DEPDC4: variants seen among roughly 807,000 people sequenced by gnomAD.
DEPDC4 encodes DEP domain containing 4.
Under a neutral mutation model 52.0 loss-of-function variants are expected in DEPDC4, and 52 were observed. That is an observed-to-expected ratio of 1.00 (90% confidence interval 0.80 to 1.26). The LOEUF (loss-of-function observed/expected upper bound fraction) is 1.26. Among genes scored for constraint, DEPDC4 ranks in the 50% most tolerant of loss-of-function variants. DEPDC4 has a pLI of 0.00. For synonymous variants in DEPDC4, 201 were observed against 196.8 expected, an observed-to-expected ratio of 1.02 and a Z score of -0.18; for missense variants, 530 against 546.9, an observed-to-expected ratio of 0.97 and a Z score of 0.31.
chr12:100,258,330 A>G (rs2096242075), intron 3 of DEPDC4, among the ~76,000 whole-genome samples: 1 of 152,176 alleles, frequency 6.6e-6, no homozygotes, highest in Admixed American at 6.5e-5. Context: ...AGAGAGAAAA[A>G]TATATACAAA....
At chr12:100,267,082 C>T (rs751980803), upstream of DEPDC4, 9 of 1,611,896 alleles carry the variant, frequency 5.6e-6, no homozygotes, top group Non-Finnish European at 8.5e-7. Context: ...ACCATAGCCC[C>T]GCCCCACCTG....
At chr12:100,278,430 G>T in the DEPDC4 span, among the ~76,000 whole-genome samples, 2 of 151,982 alleles carry the variant, frequency 1.3e-5, no homozygotes, top group Admixed American at 1.3e-4. Context: ...GAACTGCTGG[G>T]CTCAAGTGAT....
chr12:100,279,574 G>A, the DEPDC4 span, among the ~76,000 whole-genome samples: 1 of 152,072 alleles, frequency 6.6e-6, no homozygotes, highest in Non-Finnish European at 1.5e-5. Flanking sequence ...ATGACTATTG[G>A]GTTTTGTTCT....
rs1005994137 is a variant in DEPDC4 at position 100,247,325 on chromosome 12, C to T, written c.1453+1575G>A. 2.7e-5 allele frequency among the ~76,000 whole-genome samples: 4 copies of T among 150,400 alleles called. No homozygotes were observed. The East Asian group carries it at 7.9e-4, about 30-fold the overall frequency. On this transcript the variant is annotated intron_variant, in intron 8 of 9. Transcript: ENST00000550587. ...CTGGGTTCAAGTGATTCTGCCTCAG[C>T]CTCCCAAGTAGCTTGGATTACAGGC...
At chr12:100,236,559 T>C (rs938493653), downstream of DEPDC4, among the ~76,000 whole-genome samples, 3 of 152,194 alleles carry the variant, frequency 2.0e-5, no homozygotes, top group Admixed American at 6.5e-5. Context: ...TACTGATTTG[T>C]TTGAGTTCCT....
intron 7 of DEPDC4, 95 bp downstream of exon 7, chr12:100,252,081 T>C (rs2096210484): frequency 2.9e-6 from 3 of 1,039,268 alleles, no homozygotes; most frequent in Admixed American, 5.2e-5. Context: ...ACATTATAGG[T>C]ACTTAGTAAA....
At chr12:100,260,182 G>A (rs1054620151) in intron 3 of DEPDC4, among the ~76,000 whole-genome samples, 8 of 151,794 alleles carry the variant, frequency 5.3e-5, no homozygotes, top group African/African-American at 1.7e-4. Flanking sequence ...GTGCAAAGGC[G>A]CGATCTCCAT....
chr12:100,256,847 T>G (rs1417895556), intron 3 of DEPDC4, among the ~76,000 whole-genome samples: 1 of 151,908 alleles, frequency 6.6e-6, no homozygotes, highest in Non-Finnish European at 1.5e-5. Context: ...TTCACCGTGT[T>G]AGCTAGGATG....
rs764857616 is a variant in DEPDC4, at chr12:100,262,288, G to T, written c.676C>A (p.Pro226Thr). Residue 226 changes from proline (P) to threonine (T), a missense_variant, in exon 3 of 10, where the codon CCT becomes ACT. Transcript: ENST00000550587. Reference sequence around the variant, plus strand: ...CCTTCTTTTGAAAGCCGGAGAAAAGGTTTCTGAACTGTGATATTTGGACAT... The same window carrying T: ...CCTTCTTTTGAAAGCCGGAGAAAAGTTTTCTGAACTGTGATATTTGGACAT... ...ALCPNITVQK[P>T]FLRLSKEDVW... 154 of 1,608,930 alleles carry T rather than the reference G, an allele frequency of 9.6e-5. No homozygotes were observed. The highest frequency in any genetic ancestry group is 1.7e-4 in the Admixed American group (10 of 58,058).
At chr12:100,238,545 G>T, downstream of DEPDC4, among the ~76,000 whole-genome samples, 1 of 140,830 alleles carries the variant, frequency 7.1e-6, no homozygotes, top group Non-Finnish European at 1.5e-5. Flanking sequence ...GGTGTGCAGT[G>T]GCATAATCTC....
upstream of DEPDC4, among the ~76,000 whole-genome samples, chr12:100,271,281 A>AAAAAAAAAAAAAAAG (rs869276181): frequency 1.6e-5 from 2 of 128,906 alleles, no homozygotes; most frequent in Non-Finnish European, 3.2e-5. Flanking sequence ...AAAAAAAAAA[A>AAAAAAAAAAAAAAAG]AGAGAGAGAG....
intron 8 of DEPDC4, among the ~76,000 whole-genome samples, chr12:100,245,306 C>A (rs1175541425): frequency 1.3e-5 from 2 of 151,716 alleles, no homozygotes; most frequent in East Asian, 3.9e-4. Context: ...TCGCTCTGTC[C>A]CCCAGGCTGG....
chr12:100,272,502 G>T, the DEPDC4 span, among the ~76,000 whole-genome samples: 2 of 151,996 alleles, frequency 1.3e-5, no homozygotes, highest in Non-Finnish European at 2.9e-5. Context: ...CTGGCTCATC[G>T]TGCACCAATT....
At chr12:100,253,817 G>C in intron 4 of DEPDC4, 102 bp from the exon 5 acceptor site, 1 of 542,838 alleles carries the variant, frequency 1.8e-6, no homozygotes, top group Non-Finnish European at 2.9e-6. Context: ...ATTTAAGCTA[G>C]ATAAATCTAA....
chr12:100,261,558 A>T (rs986960274), intron 3 of DEPDC4, among the ~76,000 whole-genome samples: 3 of 152,200 alleles, frequency 2.0e-5, no homozygotes, highest in Non-Finnish European at 4.4e-5. Flanking sequence ...AGGAGTTTAC[A>T]CAATGGACAA....
downstream of DEPDC4, among the ~76,000 whole-genome samples, chr12:100,236,286 T>C (rs1046889868): frequency 1.3e-5 from 2 of 152,244 alleles, no homozygotes; most frequent in Non-Finnish European, 2.9e-5. Context: ...CCATAGTGGC[T>C]GTACTAGTTT....
At chr12:100,242,914 C>T (rs1031944569) in intron 8 of DEPDC4, among the ~76,000 whole-genome samples, 1 of 152,174 alleles carries the variant, frequency 6.6e-6, no homozygotes, top group Non-Finnish European at 1.5e-5. Flanking sequence ...CTACTGTGTC[C>T]ACTCCAACAT....
chr12:100,260,614 A>G (rs2096250199), intron 3 of DEPDC4, among the ~76,000 whole-genome samples: 1 of 149,506 alleles, frequency 6.7e-6, no homozygotes, highest in Non-Finnish European at 1.5e-5. Flanking sequence ...GGTGGCTCAC[A>G]CCTATAATCC....
In DEPDC4 at chr12:100,263,706, G is replaced by C. The variant is rs1204675675; in HGVS notation, c.345C>G (p.Ile115Met). Reference sequence around the variant, plus strand: ...AAAGATGAACCCCTTTAAGACAAGAGATGTCATTGCTACTTAGGCACGTGT... The same window carrying C: ...AAAGATGAACCCCTTTAAGACAAGACATGTCATTGCTACTTAGGCACGTGT... ...MQNTCLSSND[I>M]SCLKGVHLCQ... The change falls in exon 2 of 10, where the codon ATC becomes ATG. Residue 115 changes from isoleucine to methionine, a missense_variant. Physicochemically the swap from Ile to Met is conservative, Grantham distance 10. Coordinates refer to ENST00000550587, the MANE Select transcript of DEPDC4 (RefSeq NM_001364818.2). 2 of 1,614,126 alleles carry C rather than the reference G, an allele frequency of 1.2e-6. No homozygotes were observed. Among genetic ancestry groups the C allele is most frequent in the Non-Finnish European group, 1.7e-6 (2 of 1,180,010 alleles).
Sources: allele counts gnomAD v4.1 joint callset (sites outside exome capture counted in the v4.1 genomes callset), GRCh38; gene constraint gnomAD v4.1.1; transcripts MANE v1.5; gene names NCBI Gene and HGNC (gene_info 2026-07-23, HGNC 2026-07-21).